Variants in GSE1 observed in about 807,000 individuals in gnomAD.
GSE1 encodes genetic suppressor element 1.
In GSE1, 32 loss-of-function variants were observed where a neutral mutation model predicts 112.6. The ratio of observed to expected loss-of-function variants is 0.28; its 90% CI spans 0.21 to 0.38. The LOEUF (loss-of-function observed/expected upper bound fraction) is 0.38, where lower values mean the gene tolerates loss of function less well. Among genes scored for constraint, GSE1 ranks in the 10% least tolerant of loss-of-function variants. GSE1 has a pLI of 1.00. For missense variants in GSE1, 2,348 were observed against 1,699.2 expected, an observed-to-expected ratio of 1.38 and a Z score of -6.71; for synonymous variants, 1,115 against 735.6, an observed-to-expected ratio of 1.52 and a Z score of -8.35.
intron 1 of GSE1, among the ~76,000 whole-genome samples, chr16:85,209,855 A>G (rs148805277): frequency 6.6e-6 from 1 of 152,336 alleles, no homozygotes; most frequent in Non-Finnish European, 1.5e-5. Context: ...CCTGGTCCAG[A>G]AAGTGACCAG....
intron 2 of GSE1, among the ~76,000 whole-genome samples, chr16:85,402,820 C>T (rs1256955619): frequency 4.0e-5 from 6 of 151,644 alleles, no homozygotes; most frequent in African/African-American, 7.3e-5. Flanking sequence ...GAGGCTGGGG[C>T]GGGAGGATCA....
At position 85,450,214 on chromosome 16, in the gene GSE1, C is replaced by T. The variant is rs150788080; in HGVS notation, c.2464+92571C>T. Reference sequence around the variant, plus strand: ...TCGGCTCACCACAACCTCCACCTCCCGGGTTCAAGCAGTTCTGCCTCAGCC... The same window carrying T: ...TCGGCTCACCACAACCTCCACCTCCTGGGTTCAAGCAGTTCTGCCTCAGCC... On this transcript the variant is annotated intron_variant, in intron 2 of 2. Coordinates refer to the GSE1 transcript ENST00000637419. Among the ~76,000 whole-genome samples, 371 of 147,300 alleles carry T rather than the reference C, an allele frequency of 2.5e-3. 2 individuals carry two copies. Among genetic ancestry groups the T allele is most frequent in the African/African-American group, 8.8e-3 (349 of 39,814 alleles).
At chr16:85,502,438 G>A (rs572654849) in intron 2 of GSE1, among the ~76,000 whole-genome samples, 1 of 152,266 alleles carries the variant, frequency 6.6e-6, no homozygotes, top group African/African-American at 2.4e-5. Flanking sequence ...TTTTACCAAT[G>A]GGGAAACTGA....
chr16:85,268,239 A>T (rs201698727), intron 1 of GSE1, among the ~76,000 whole-genome samples: 1 of 151,486 alleles, frequency 6.6e-6, no homozygotes, highest in Admixed American at 6.6e-5. Context: ...GGTGTGGCAC[A>T]AGGGTTCTAT....
intron 2 of GSE1, among the ~76,000 whole-genome samples, chr16:85,465,273 C>G (rs538098061): frequency 1.3e-5 from 2 of 152,212 alleles, no homozygotes; most frequent in East Asian, 3.9e-4. Flanking sequence ...TCCTGCCAAC[C>G]GAATCTCATG....
chr16:85,582,364 C>G (rs1469599222), intron 1 of GSE1, among the ~76,000 whole-genome samples: 1 of 152,348 alleles, frequency 6.6e-6, no homozygotes, highest in African/African-American at 2.4e-5. Flanking sequence ...GGCTGCGGTT[C>G]ATGGGGGATG....
At position 85,663,172 on chromosome 16, in the gene GSE1, C is replaced by G. The variant is rs1479134191; in HGVS notation, c.2373+79C>G. 14 of 1,251,286 alleles carry G rather than the reference C, an allele frequency of 1.1e-5. No homozygotes were observed. In the East Asian group the frequency reaches 1.4e-4, roughly 12 times the overall value. 77.5% of individuals were successfully genotyped at this position (1,251,286 alleles called of 1,614,324 possible). ...CGTCCACACCCTGCAGTCCACCCCA[C>G]TGTTGCTAGGTTCCTCCGAAGTCCT... On this transcript the variant is annotated intron_variant, in intron 10 of 15. Coordinates refer to ENST00000253458, the MANE Select transcript of GSE1 (RefSeq NM_014615.5).
intron 2 of GSE1, among the ~76,000 whole-genome samples, chr16:85,537,073 G>T (rs934569368): frequency 7.9e-5 from 12 of 152,244 alleles, no homozygotes; most frequent in Admixed American, 2.0e-4. Flanking sequence ...GAAGGCTCCA[G>T]TGAAGCCGAG....
chr16:85,517,109 T>C (rs569905176), intron 2 of GSE1, among the ~76,000 whole-genome samples: 29 of 152,226 alleles, frequency 1.9e-4, no homozygotes, highest in Non-Finnish European at 3.2e-4. Flanking sequence ...GTCTTGGTTC[T>C]GGATGTTCCT....
At chr16:85,665,933 A>T (rs764857757) in intron 12 of GSE1, 43 bp from the exon 13 acceptor site, 2 of 1,600,298 alleles carry the variant, frequency 1.2e-6, no homozygotes, top group South Asian at 1.1e-5. Context: ...TCAGCCTGTT[A>T]ACTTGCATTT....
rs921705998 is a variant in GSE1, at chr16:85,311,564, G to A, written c.2284-45899G>A. Among the ~76,000 whole-genome samples the A allele has an allele frequency of 6.6e-6, 1 of 152,102 alleles. No homozygotes were observed. The highest frequency in any genetic ancestry group is 2.4e-5 in the African/African-American group (1 of 41,406). The stretch of plus-strand genomic sequence containing the variant: ...TCACCTTCCCCGAGGCTTTGTTTCC[G>A]GATTCTTCTCTTCCCTCCTTGGGGT... On this transcript the variant is annotated intron_variant, in intron 1 of 2. Coordinates refer to the GSE1 transcript ENST00000637419. This position sits in a 1 kb window ranked among gnomAD's most constrained non-coding sequence, Gnocchi z 4.2.
At chr16:85,246,730 G>T (rs868451637) in intron 1 of GSE1, among the ~76,000 whole-genome samples, 14 of 152,026 alleles carry the variant, frequency 9.2e-5, no homozygotes, top group South Asian at 2.1e-4. Flanking sequence ...GGCCTGGGGG[G>T]CAGCCAAAGG....
chr16:85,263,324 G>A (rs928752395), intron 1 of GSE1, among the ~76,000 whole-genome samples: 6 of 152,002 alleles, frequency 3.9e-5, no homozygotes, highest in Non-Finnish European at 7.4e-5. Flanking sequence ...GGATTGTGAC[G>A]CTGGAGTGTG....
chr16:85,397,189 G>A (rs2047985929), intron 2 of GSE1, among the ~76,000 whole-genome samples: 1 of 152,200 alleles, frequency 6.6e-6, no homozygotes, highest in Admixed American at 6.5e-5. Context: ...GGGCTCAGAT[G>A]CCTCCTCTCA....
intron 1 of GSE1, among the ~76,000 whole-genome samples, chr16:85,239,082 C>A (rs372255231): frequency 7.2e-5 from 11 of 152,266 alleles, no homozygotes; most frequent in African/African-American, 2.6e-4. Context: ...CACCCGCCAC[C>A]ACGCCCCCCT....
intron 1 of GSE1, among the ~76,000 whole-genome samples, chr16:85,300,713 G>A (rs571061974): frequency 1.4e-4 from 21 of 152,308 alleles, no homozygotes; most frequent in African/African-American, 4.6e-4. Context: ...TGGAGCAGCC[G>A]CTCTGCACCA....
intron 1 of GSE1, among the ~76,000 whole-genome samples, chr16:85,211,238 C>A (rs139094874): frequency 2.0e-5 from 3 of 152,112 alleles, no homozygotes; most frequent in Non-Finnish European, 4.4e-5. Context: ...CAAGCTGCCC[C>A]TTCCCATGCC....
At chr16:85,447,475 G>C (rs923949822) in intron 2 of GSE1, among the ~76,000 whole-genome samples, 1 of 152,228 alleles carries the variant, frequency 6.6e-6, no homozygotes, top group African/African-American at 2.4e-5. Context: ...AGCCACACTG[G>C]TGCGCTGTGA....
At position 85,676,122 on chromosome 16, in the gene GSE1, T is replaced by C. The variant is rs1226426482; in HGVS notation, c.*3583T>C. 6.5e-6 allele frequency: 1 copy of C among 152,676 alleles called. No homozygotes were observed. Among genetic ancestry groups the C allele is most frequent in the African/African-American group, 2.4e-5 (1 of 41,470 alleles). 9.5% of individuals were successfully genotyped at this position (152,676 alleles called of 1,614,324 possible). ...TTAATTGTATTGTAATATTATTTGT[T>C]GAATGTAGTAATTAGGTATTTATGA... On this transcript the variant is annotated 3_prime_UTR_variant, in exon 16 of 16. Coordinates refer to ENST00000253458, the MANE Select transcript of GSE1 (RefSeq NM_014615.5).
Sources: allele counts gnomAD v4.1 joint callset (sites outside exome capture counted in the v4.1 genomes callset), GRCh38; gene constraint gnomAD v4.1.1; non-coding constraint Gnocchi (gnomAD v3.1); transcripts MANE v1.5; gene names NCBI Gene and HGNC (gene_info 2026-07-23, HGNC 2026-07-21).